Variants in PIAS1 observed in about 807,000 individuals in gnomAD.
The protein encoded by PIAS1 is protein inhibitor of activated STAT 1, also known as E3 SUMO-protein ligase PIAS1.
A neutral mutation model predicts 71.3 loss-of-function variants in PIAS1; 6 were observed. The ratio of observed to expected loss-of-function variants is 0.08; its 90% CI spans 0.05 to 0.17. The LOEUF is 0.17. PIAS1 is among the 10% of genes least tolerant of loss of function. PIAS1 has a pLI of 1.00. For synonymous variants in PIAS1, 303 were observed against 292.9 expected, an observed-to-expected ratio of 1.03 and a Z score of -0.35; for missense variants, 555 against 793.6, an observed-to-expected ratio of 0.70 and a Z score of 3.61.
At chr15:68,059,709 C>CA (rs770069635) in intron 1 of PIAS1, among the ~76,000 whole-genome samples, 5,879 of 76,606 alleles carry the variant, frequency 0.077, 144 homozygotes, top group Middle Eastern at 0.12. Flanking sequence ...CCGTCTCAAA[C>CA]AAAAAAAAAA....
intron 1 of PIAS1, among the ~76,000 whole-genome samples, chr15:68,059,353 C>G (rs1340706661): frequency 1.3e-5 from 2 of 151,950 alleles, no homozygotes; most frequent in African/African-American, 2.4e-5. Flanking sequence ...AGACATGTAC[C>G]AAAGTTTGCA....
At chr15:68,168,771 G>C (rs1203132047) in intron 8 of PIAS1, among the ~76,000 whole-genome samples, 1 of 152,118 alleles carries the variant, frequency 6.6e-6, no homozygotes, top group African/African-American at 2.4e-5. Flanking sequence ...ATTTGAAAGC[G>C]AGCTTTTGCT....
At chr15:68,179,959 G>A (rs2093044045) in intron 11 of PIAS1, among the ~76,000 whole-genome samples, 1 of 152,032 alleles carries the variant, frequency 6.6e-6, no homozygotes, top group African/African-American at 2.4e-5. Context: ...GCAAAAGACA[G>A]CCTCTTTATT....
chr15:68,057,086 C>T (rs1434062651), intron 1 of PIAS1, among the ~76,000 whole-genome samples: 1 of 151,956 alleles, frequency 6.6e-6, no homozygotes, highest in Non-Finnish European at 1.5e-5. Flanking sequence ...TTAGTGAGTC[C>T]TTTTAAATCT....
chr15:68,141,940 C>A lies in PIAS1; in HGVS notation c.470-6C>A. 1 of 1,577,702 alleles carries A rather than the reference C, an allele frequency of 6.3e-7. No individual in the cohort carries two copies. Among genetic ancestry groups the A allele is most frequent in the Non-Finnish European group, 8.6e-7 (1 of 1,156,140 alleles). ...TAATTGAAAGTATAATTCTTGTCTTCTTTAGCATCAGACAACAGTCAGCGC... is the reference window on the plus strand; with the variant it reads ...TAATTGAAAGTATAATTCTTGTCTTATTTAGCATCAGACAACAGTCAGCGC... On this transcript the variant is annotated splice_region_variant and splice_polypyrimidine_tract_variant and intron_variant, in intron 2 of 13. Coordinates refer to ENST00000249636, the MANE Select transcript of PIAS1 (RefSeq NM_016166.3).
chr15:68,127,182 C>T (rs542344070), intron 2 of PIAS1, among the ~76,000 whole-genome samples: 8 of 152,106 alleles, frequency 5.3e-5, no homozygotes, highest in South Asian at 2.1e-4. Context: ...CCTTGACCTC[C>T]GAAAGTGCTG....
chr15:68,131,906 A>T (rs1036978487), intron 2 of PIAS1, among the ~76,000 whole-genome samples: 3 of 148,252 alleles, frequency 2.0e-5, no homozygotes, highest in African/African-American at 7.6e-5. Context: ...TTATTAGTTT[A>T]AAAAAAAAAT....
At chr15:68,108,309 CT>C (rs1483273948) in intron 2 of PIAS1, among the ~76,000 whole-genome samples, 2 of 152,120 alleles carry the variant, frequency 1.3e-5, no homozygotes, top group Admixed American at 6.6e-5. Context: ...ACCCCATGAT[CT>C]GTTCTCAGTC....
chr15:68,104,349 G>A (rs544329965), intron 2 of PIAS1, among the ~76,000 whole-genome samples: 1 of 152,114 alleles, frequency 6.6e-6, no homozygotes, highest in Non-Finnish European at 1.5e-5. Context: ...ATTTTCTAAT[G>A]GTTTGGGAGT....
At chr15:68,064,577 G>C (rs2091996456) in intron 1 of PIAS1, among the ~76,000 whole-genome samples, 1 of 152,206 alleles carries the variant, frequency 6.6e-6, no homozygotes, top group East Asian at 1.9e-4. Context: ...TCAGATTCCT[G>C]CGTTGCAGCA....
intron 1 of PIAS1, among the ~76,000 whole-genome samples, chr15:68,062,523 TTC>T (rs2091971129): frequency 6.6e-6 from 1 of 152,222 alleles, no homozygotes; most frequent in Non-Finnish European, 1.5e-5. Context: ...CATCATCCCC[TTC>T]CCAAACCTTA....
At chr15:68,099,083 A>C (rs910602431) in intron 2 of PIAS1, among the ~76,000 whole-genome samples, 1 of 151,802 alleles carries the variant, frequency 6.6e-6, no homozygotes, top group Admixed American at 6.6e-5. Flanking sequence ...AAAATTTATA[A>C]CTCATTATAG....
chr15:68,134,865 C>G (rs1355954377), intron 2 of PIAS1, among the ~76,000 whole-genome samples: 2 of 50,956 alleles, frequency 3.9e-5, no homozygotes, highest in African/African-American at 8.1e-5. Flanking sequence ...ACCGCCCTCC[C>G]GGACGGGGCG....
At chr15:68,102,073 A>AT (rs142488681) in intron 2 of PIAS1, among the ~76,000 whole-genome samples, 41 of 151,556 alleles carry the variant, frequency 2.7e-4, no homozygotes, top group South Asian at 1.9e-3. Flanking sequence ...AGATTTGGAG[A>AT]TTTTTTTTTC....
chr15:68,127,441 T>A (rs1317258929), intron 2 of PIAS1, among the ~76,000 whole-genome samples: 1 of 152,212 alleles, frequency 6.6e-6, no homozygotes, highest in Non-Finnish European at 1.5e-5. Flanking sequence ...GCCCCACTTG[T>A]ACAGGTATTT....
intron 1 of PIAS1, among the ~76,000 whole-genome samples, chr15:68,081,804 A>G (rs2140977394): frequency 6.6e-6 from 1 of 152,214 alleles, no homozygotes; most frequent in Non-Finnish European, 1.5e-5. Context: ...GAAAGAGAAC[A>G]CAAAGACATG....
intron 2 of PIAS1, among the ~76,000 whole-genome samples, chr15:68,126,061 C>CT (rs2092648502): frequency 6.6e-6 from 1 of 151,916 alleles, no homozygotes; most frequent in African/African-American, 2.4e-5. Flanking sequence ...ATGTAGGATT[C>CT]TTTTTATGTG....
intron 2 of PIAS1, among the ~76,000 whole-genome samples, chr15:68,125,696 C>T (rs1178940712): frequency 4.0e-5 from 6 of 151,574 alleles, no homozygotes; most frequent in African/African-American, 1.5e-4. Flanking sequence ...GGCTGGTTTC[C>T]GATTTTTTTT....
At chr15:68,176,384 T>TA in intron 10 of PIAS1, 90 bp from the exon 11 acceptor site, 1 of 797,658 alleles carries the variant, frequency 1.3e-6, no homozygotes, top group Non-Finnish European at 1.9e-6. Flanking sequence ...ATTGTGAATC[T>TA]AAACTGTAAC....
Sources: gnomAD v4.1 joint callset for allele counts (sites outside exome capture counted in the v4.1 genomes callset) on GRCh38, gnomAD v4.1.1 for gene constraint, MANE v1.5 for transcripts, NCBI Gene and HGNC (gene_info 2026-07-23, HGNC 2026-07-21) for gene names.